The following MAP3K14 variants were observed in gnomAD, a reference collection of about 807,000 sequenced individuals.
The protein encoded by MAP3K14 is NF-kappa-beta-inducing kinase.
Under a neutral mutation model 99.2 loss-of-function variants are expected in MAP3K14, and 16 were observed. The ratio of observed to expected loss-of-function variants is 0.16; its 90% CI spans 0.11 to 0.24. The LOEUF is 0.24. MAP3K14 is among the 10% of genes least tolerant of loss of function. The pLI, the probability that MAP3K14 is intolerant of heterozygous loss-of-function variation, is 1.00. For missense variants in MAP3K14, 784 were observed against 1,208.7 expected (o/e 0.65, Z 5.21); for synonymous variants, 462 against 492.4 (o/e 0.94, Z 0.82).
chr17:45,277,722 C>T (rs145317479), intron 6 of MAP3K14, among the ~76,000 whole-genome samples: 34 of 152,312 alleles, frequency 2.2e-4, no homozygotes, highest in Non-Finnish European at 4.0e-4. Context: ...TTGAGGGAAA[C>T]GGCCACCGCA....
intron 6 of MAP3K14, among the ~76,000 whole-genome samples, chr17:45,279,896 A>G (rs1248643697): frequency 6.6e-6 from 1 of 152,210 alleles, no homozygotes; most frequent in Non-Finnish European, 1.5e-5. Flanking sequence ...TCTCACCTCT[A>G]TCGAGGTATT....
chr17:45,300,713 C>T (rs947575833), intron 1 of MAP3K14, among the ~76,000 whole-genome samples: 2 of 152,146 alleles, frequency 1.3e-5, no homozygotes, highest in Non-Finnish European at 2.9e-5. Context: ...CCTGACACCC[C>T]CACTCCCTTT....
Position 45,274,169 on chromosome 17 carries a change from A to G in MAP3K14, c.1506T>C (p.Gly502=), listed in dbSNP as rs1598246344. The change falls in exon 8 of 16, where the codon GGT becomes GGC. Residue 502 remains glycine (G), a synonymous_variant. Coordinates refer to ENST00000344686, the MANE Select transcript of MAP3K14 (RefSeq NM_003954.5). ...TCCTTCGTGAGTGGAGGTATTCCAG[A>G]CCCTCCAGGGCCTGGCCCAGGTAGT... ...ALYYLGQALE[G]LEYLHSRRIL... 1 of 1,604,662 alleles carries G rather than the reference A, an allele frequency of 6.2e-7. No individual in the cohort carries two copies. The highest frequency in any genetic ancestry group is 1.3e-5 in the African/African-American group (1 of 74,772).
intron 6 of MAP3K14, among the ~76,000 whole-genome samples, chr17:45,276,823 C>CTTTTTTTTTTTTTT: frequency 1.6e-5 from 1 of 62,258 alleles, no homozygotes; most frequent in Non-Finnish European, 2.8e-5. Flanking sequence ...TCTTAGACTT[C>CTTTTTTTTTTTTTT]TTTTTTTTTT....
Position 45,290,625 on chromosome 17 carries a change from T to C in MAP3K14, c.121A>G (p.Lys41Glu), listed in dbSNP as rs1224727964. 3.1e-6 allele frequency: 5 copies of C among 1,613,662 alleles called. No individual in the cohort carries two copies. Among genetic ancestry groups the C allele is most frequent in the Non-Finnish European group, 3.4e-6 (4 of 1,179,838 alleles). ...PLGKKQSSVY[K>E]LEAVEKSPVF... ...GGGCTCTTCTCCACGGCCTCAAGCT[T>C]GTAGACGGAGCTCTGTTTCTTCCCC... Residue 41 changes from lysine to glutamate, a missense_variant, in exon 2 of 16, where the codon AAG (lysine) becomes GAG (glutamate). By Grantham distance (56) the Lys-to-Glu change is moderately conservative (BLOSUM62 1). This residue lies in a region of MAP3K14 where 188 missense variants were observed against 313.0 expected (regional missense o/e 0.60). Coordinates refer to ENST00000344686, the MANE Select transcript of MAP3K14 (RefSeq NM_003954.5).
Position 45,267,472 on chromosome 17 carries a change from T to C in MAP3K14, c.2260A>G (p.Arg754Gly). The change falls in exon 12 of 16, where the codon AGA becomes GGA. Residue 754 changes from arginine (R) to glycine (G), a missense_variant. Arg to Gly is a moderately radical substitution (Grantham distance 125). This residue lies in a region of MAP3K14 where 128 missense variants were observed against 143.3 expected (regional missense o/e 0.89). Transcript: ENST00000344686. The surrounding 1 kb of genome is among the most constrained non-coding windows in gnomAD (Gnocchi z 5.1). ...PLSSLEPAPA[R>G]NPSSPERKAT... ...TTCCGCTCTGGTGAGCTGGGGTTTC[T>C]GGCAGGGGCTGGCTCCAGGGAGGAC... 1.2e-6 allele frequency: 2 copies of C among 1,611,736 alleles called. No individual in the cohort carries two copies. Among genetic ancestry groups the C allele is most frequent in the Non-Finnish European group, 1.7e-6 (2 of 1,178,860 alleles).
In MAP3K14 at chr17:45,284,965, G is replaced by A. The variant is rs1488394583; in HGVS notation, c.1153-16C>T. ...GCTTGAGTTTCTGGGGTTGGCAGGAGAGAGAGGACAGTTTCAGTGGCCAGG... is the reference window on the plus strand; with the variant it reads ...GCTTGAGTTTCTGGGGTTGGCAGGAAAGAGAGGACAGTTTCAGTGGCCAGG... On this transcript the variant is annotated splice_polypyrimidine_tract_variant and intron_variant, in intron 5 of 15. Coordinates refer to ENST00000344686, the MANE Select transcript of MAP3K14 (RefSeq NM_003954.5). 1 of 1,550,836 alleles carries A rather than the reference G, an allele frequency of 6.4e-7. No homozygotes were observed.
chr17:45,303,266 A>G (rs955282691), intron 1 of MAP3K14, among the ~76,000 whole-genome samples: 8 of 152,224 alleles, frequency 5.3e-5, no homozygotes, highest in African/African-American at 1.9e-4. Context: ...CCTTGCTTAA[A>G]AATTTTTTTT....
intron 6 of MAP3K14, among the ~76,000 whole-genome samples, chr17:45,275,457 C>G (rs1431747850): frequency 1.4e-5 from 2 of 145,804 alleles, no homozygotes; most frequent in East Asian, 4.1e-4. Context: ...GCGCTCCAGT[C>G]TGGCGACAGA....
rs1379098558 is a variant in MAP3K14 at position 45,272,204 on chromosome 17, TG to T, written c.1658-984del. Reference sequence around the variant, plus strand: ...GAGCCGGACATGGTGGTACATGCTGTGGTCCCAGCTACTCAGGAGGCTGAGG... The same window carrying T: ...GAGCCGGACATGGTGGTACATGCTGTGTCCCAGCTACTCAGGAGGCTGAGG... On this transcript the variant is annotated intron_variant, in intron 9 of 15. Coordinates refer to ENST00000344686, the MANE Select transcript of MAP3K14 (RefSeq NM_003954.5). This position sits in a 1 kb window ranked among gnomAD's most constrained non-coding sequence, Gnocchi z 4.1. Among the ~76,000 whole-genome samples the T allele has an allele frequency of 6.6e-6, 1 of 152,168 alleles. No homozygotes were observed. Among genetic ancestry groups the T allele is most frequent in the Non-Finnish European group, 1.5e-5 (1 of 68,038 alleles).
chr17:45,264,412 CACGTGGCGG>C lies in MAP3K14; in HGVS notation c.*215_*223del, dbSNP rs1381670364. On this transcript the variant is annotated 3_prime_UTR_variant, in exon 16 of 16. Coordinates refer to ENST00000344686, the MANE Select transcript of MAP3K14 (RefSeq NM_003954.5). Reference sequence around the variant, plus strand: ...CTCCTGCCATCCTCCTCTGTCTCTTCACGTGGCGGAGTGTTTTCTCAGCAGGGTGGGGCA... The same window carrying C: ...CTCCTGCCATCCTCCTCTGTCTCTTCAGTGTTTTCTCAGCAGGGTGGGGCA... 1.7e-5 allele frequency: 9 copies of C among 543,720 alleles called. No individual in the cohort carries two copies. In the Admixed American group the frequency reaches 3.0e-4, roughly 18 times the overall value. 33.7% of individuals were successfully genotyped at this position (543,720 alleles called of 1,614,324 possible). A position where few individuals can be genotyped will look rare whatever the true frequency, so the allele number is the denominator to read the frequency against.
intron 1 of MAP3K14, among the ~76,000 whole-genome samples, chr17:45,315,466 C>T (rs929251849): frequency 7.2e-5 from 11 of 152,152 alleles, no homozygotes; most frequent in Admixed American, 6.5e-4. Flanking sequence ...TTCTCCACAC[C>T]CTTCAAAATA....
intron 6 of MAP3K14, among the ~76,000 whole-genome samples, chr17:45,275,760 C>CTTTTTTTTTTT (rs369154222): frequency 3.2e-5 from 4 of 123,532 alleles, no homozygotes; most frequent in Non-Finnish European, 5.0e-5. Flanking sequence ...CTTTTCTTTT[C>CTTTTTTTTTTT]TTTTTTTTTT....
At chr17:45,274,734 T>G in intron 6 of MAP3K14, 141 bp from the exon 7 acceptor site, 1 of 1,018,152 alleles carries the variant, frequency 9.8e-7, no homozygotes, top group African/African-American at 1.6e-5. Flanking sequence ...GGGGGCCTGC[T>G]GGACCCTCAG....
At chr17:45,279,980 A>G (rs1003714072) in intron 6 of MAP3K14, among the ~76,000 whole-genome samples, 2 of 152,174 alleles carry the variant, frequency 1.3e-5, no homozygotes, top group Admixed American at 1.3e-4. Flanking sequence ...TTACCCCAAT[A>G]TAAATGTCTA....
chr17:45,313,796 A>G (rs2044504737), intron 1 of MAP3K14, among the ~76,000 whole-genome samples: 1 of 152,220 alleles, frequency 6.6e-6, no homozygotes, highest in Admixed American at 6.5e-5. Context: ...CAAAATTGAC[A>G]TGTTTGGGGG....
intron 1 of MAP3K14, among the ~76,000 whole-genome samples, chr17:45,311,698 C>G (rs1346610665): frequency 6.6e-6 from 1 of 152,120 alleles, no homozygotes; most frequent in African/African-American, 2.4e-5. Flanking sequence ...TTAATCTAGC[C>G]TTTACAATCG....
chr17:45,264,462 A>G lies in MAP3K14; in HGVS notation c.*174T>C. The G allele has an allele frequency of 1.4e-6, 1 of 734,032 alleles. No individual in the cohort carries two copies. The highest frequency in any genetic ancestry group is 2.1e-6 in the Non-Finnish European group (1 of 466,718). The allele number at this position is 734,032 out of a possible 1,614,324, so 45.5% of individuals were successfully genotyped here. ...GGGTGGGGCAGGGCTCAGGTGTGAA[A>G]TCCTGGGAGGCATTCTGCTTGCCCC... On this transcript the variant is annotated 3_prime_UTR_variant, in exon 16 of 16. Coordinates refer to ENST00000344686, the MANE Select transcript of MAP3K14 (RefSeq NM_003954.5).
intron 1 of MAP3K14, among the ~76,000 whole-genome samples, chr17:45,293,756 C>T (rs2044329253): frequency 6.6e-6 from 1 of 152,206 alleles, no homozygotes; most frequent in Non-Finnish European, 1.5e-5. Flanking sequence ...GTTCAAGAGG[C>T]TATTCTTGGG....
Sources: allele counts gnomAD v4.1 joint callset (sites outside exome capture counted in the v4.1 genomes callset), GRCh38; gene constraint gnomAD v4.1.1; regional missense constraint gnomAD v4.1.1; non-coding constraint Gnocchi (gnomAD v3.1); transcripts MANE v1.5; gene names NCBI Gene and HGNC (gene_info 2026-07-23, HGNC 2026-07-21).